The following ABTB3 variants were observed in gnomAD, a reference collection of about 807,000 sequenced individuals.
ABTB3 encodes ankyrin repeat- and BTB/POZ domain-containing protein 3.
At chr12:107,439,260 A>T in the ABTB3 span, among the ~76,000 whole-genome samples, 1 of 152,038 alleles carries the variant, frequency 6.6e-6, no homozygotes, top group Non-Finnish European at 1.5e-5. Context: ...AAGGTTGGCC[A>T]TTCGGTTTGA....
the ABTB3 span, chr12:107,635,380 C>G: frequency 6.2e-7 from 1 of 1,613,866 alleles, no homozygotes; most frequent in Non-Finnish European, 8.5e-7. Flanking sequence ...GGAAACAGAC[C>G]TCGCGCTTGG....
chr12:107,541,503 T>C, the ABTB3 span, among the ~76,000 whole-genome samples: 1 of 152,210 alleles, frequency 6.6e-6, no homozygotes, highest in Admixed American at 6.5e-5. Flanking sequence ...GCTCATGTGA[T>C]TGTGGGAGCT....
At chr12:107,379,383 T>C in the ABTB3 span, among the ~76,000 whole-genome samples, 1 of 152,110 alleles carries the variant, frequency 6.6e-6, no homozygotes, top group Admixed American at 6.6e-5. Context: ...GGGTTTTTCC[T>C]GTGCTGTTCT....
the ABTB3 span, among the ~76,000 whole-genome samples, chr12:107,579,270 C>T: frequency 6.6e-6 from 1 of 152,204 alleles, no homozygotes; most frequent in South Asian, 2.1e-4. Context: ...GATCAGCTCC[C>T]CTGGGGTGAC....
chr12:107,338,270 A>T, the ABTB3 span, among the ~76,000 whole-genome samples: 1 of 152,228 alleles, frequency 6.6e-6, no homozygotes, highest in African/African-American at 2.4e-5. Context: ...ACTGACTGTA[A>T]TTTCGAACCC....
the ABTB3 span, among the ~76,000 whole-genome samples, chr12:107,398,714 G>C: frequency 1.8e-4 from 28 of 152,272 alleles, no homozygotes; most frequent in Admixed American, 9.8e-4. Context: ...GGACAGGTAG[G>C]GGGGTGGATG....
chr12:107,452,633 A>C, the ABTB3 span, among the ~76,000 whole-genome samples: 2,801 of 152,214 alleles, frequency 0.018, 40 homozygotes, highest in Non-Finnish European at 0.023. Flanking sequence ...TGAGGTCAGG[A>C]GTTCGTGATC....
chr12:107,366,163 G>A, the ABTB3 span, among the ~76,000 whole-genome samples: 3 of 152,098 alleles, frequency 2.0e-5, no homozygotes, highest in Non-Finnish European at 4.4e-5. Context: ...TTTTTGCTTT[G>A]TGCCTCTTTG....
the ABTB3 span, among the ~76,000 whole-genome samples, chr12:107,361,672 A>G: frequency 6.6e-6 from 1 of 152,120 alleles, no homozygotes; most frequent in Non-Finnish European, 1.5e-5. Context: ...CTTTCTCTAC[A>G]CTAGTTCTGA....
chr12:107,478,588 T>C, the ABTB3 span, among the ~76,000 whole-genome samples: 1 of 152,196 alleles, frequency 6.6e-6, no homozygotes, highest in Non-Finnish European at 1.5e-5. Flanking sequence ...CTGAACCTTT[T>C]CCATCATGTG....
the ABTB3 span, among the ~76,000 whole-genome samples, chr12:107,413,392 C>T: frequency 6.6e-6 from 1 of 152,214 alleles, no homozygotes; most frequent in African/African-American, 2.4e-5. Flanking sequence ...TAAGGCCACA[C>T]AGCTCACAGC....
At chr12:107,627,933 G>A in the ABTB3 span, among the ~76,000 whole-genome samples, 6 of 152,324 alleles carry the variant, frequency 3.9e-5, no homozygotes, top group Admixed American at 6.5e-5. Context: ...CACTTGCTGG[G>A]AGTAGAAGGG....
At chr12:107,386,386 G>A in the ABTB3 span, among the ~76,000 whole-genome samples, 1 of 152,208 alleles carries the variant, frequency 6.6e-6, no homozygotes, top group East Asian at 1.9e-4. Flanking sequence ...TGTCTTGTCT[G>A]TAGCTGTATC....
chr12:107,327,233 T>C, the ABTB3 span, among the ~76,000 whole-genome samples: 1 of 152,190 alleles, frequency 6.6e-6, no homozygotes, highest in Non-Finnish European at 1.5e-5. Flanking sequence ...ACACCCAGAG[T>C]TATTTCCTAG....
chr12:107,594,467 T>C, the ABTB3 span, among the ~76,000 whole-genome samples: 1 of 152,184 alleles, frequency 6.6e-6, no homozygotes, highest in Non-Finnish European at 1.5e-5. Context: ...GCATGATTTT[T>C]GGACAAAGAT....
the ABTB3 span, among the ~76,000 whole-genome samples, chr12:107,353,930 C>T: frequency 1.3e-4 from 20 of 152,174 alleles, no homozygotes; most frequent in Admixed American, 7.2e-4. Context: ...TCCACAAAAC[C>T]GGTCCCTGGT....
chr12:107,521,499 G>C, the ABTB3 span, among the ~76,000 whole-genome samples: 1 of 151,942 alleles, frequency 6.6e-6, no homozygotes, highest in Non-Finnish European at 1.5e-5. Flanking sequence ...AAGGTGCCTG[G>C]CACATGGTAA....
At chr12:107,437,256 C>T in the ABTB3 span, among the ~76,000 whole-genome samples, 1 of 152,176 alleles carries the variant, frequency 6.6e-6, no homozygotes, top group Non-Finnish European at 1.5e-5. Flanking sequence ...AGGCAGCACC[C>T]ATTCCAGAGG....
At chr12:107,619,126 G>A in the ABTB3 span, among the ~76,000 whole-genome samples, 1 of 152,194 alleles carries the variant, frequency 6.6e-6, no homozygotes, top group African/African-American at 2.4e-5. Flanking sequence ...TCCTAATGCT[G>A]TTCTGGAAAT....
Sources: allele counts gnomAD v4.1 joint callset (sites outside exome capture counted in the v4.1 genomes callset), GRCh38; gene constraint gnomAD v4.1.1; transcripts MANE v1.5; gene names NCBI Gene and HGNC (gene_info 2026-07-23, HGNC 2026-07-21).